Variants in WNT3 observed in about 807,000 individuals in gnomAD.
WNT3 encodes Wnt family member 3.
Under a neutral mutation model 34.2 loss-of-function variants are expected in WNT3, and 7 were observed. That is an observed-to-expected ratio of 0.20 (90% CI 0.12 to 0.38). The LOEUF is 0.38. WNT3 is among the 10% of genes least tolerant of loss of function. The probability of loss-of-function intolerance (pLI) is 1.00; values close to 1 mark genes in which losing one functional copy is unlikely to be tolerated. For synonymous variants in WNT3, 212 were observed against 211.5 expected (o/e 1.00, Z -0.02); for missense variants, 267 against 499.8 (o/e 0.53, Z 4.44).
chr17:46,782,760 G>A (rs965769125), intron 1 of WNT3, among the ~76,000 whole-genome samples: 4 of 152,212 alleles, frequency 2.6e-5, no homozygotes, highest in African/African-American at 7.2e-5. Flanking sequence ...GACTGGAGCC[G>A]CTCACCTGGC....
chr17:46,779,103 A>ACACACACACACACACCCCCCC (rs749719578), intron 1 of WNT3, among the ~76,000 whole-genome samples: 1 of 133,586 alleles, frequency 7.5e-6, no homozygotes, highest in Admixed American at 7.8e-5. Context: ...ACACACACAC[A>ACACACACACACACACCCCCCC]CCCCAGCCCA....
intron 4 of WNT3, among the ~76,000 whole-genome samples, chr17:46,767,452 C>G (rs994400838): frequency 1.3e-5 from 2 of 152,192 alleles, no homozygotes; most frequent in Non-Finnish European, 2.9e-5. Flanking sequence ...CCTCTAAGTT[C>G]AAGGTGGATG....
At chr17:46,807,899 T>C (rs1478720088) in intron 1 of WNT3, among the ~76,000 whole-genome samples, 1 of 152,190 alleles carries the variant, frequency 6.6e-6, no homozygotes, top group East Asian at 1.9e-4. Context: ...GGAGAAAGCA[T>C]GCTGGCTCCT....
chr17:46,801,700 G>A (rs931890813), intron 1 of WNT3, among the ~76,000 whole-genome samples: 2 of 152,138 alleles, frequency 1.3e-5, no homozygotes, highest in Admixed American at 6.5e-5. Context: ...AAGAAGATCC[G>A]TTGAGGCTGA....
At chr17:46,803,965 C>T (rs2084159923) in intron 1 of WNT3, among the ~76,000 whole-genome samples, 1 of 152,184 alleles carries the variant, frequency 6.6e-6, no homozygotes, top group Non-Finnish European at 1.5e-5. Flanking sequence ...TCAGGTAAAG[C>T]GTGTTTTCCC....
At chr17:46,772,249 A>G (rs1318493295) in intron 2 of WNT3, among the ~76,000 whole-genome samples, 1 of 151,868 alleles carries the variant, frequency 6.6e-6, no homozygotes, top group Non-Finnish European at 1.5e-5. Context: ...TCGGGCACAC[A>G]TCGCCCCTCC....
At chr17:46,773,292 G>T (rs2059389097) in intron 2 of WNT3, among the ~76,000 whole-genome samples, 1 of 152,142 alleles carries the variant, frequency 6.6e-6, no homozygotes, top group East Asian at 1.9e-4. Context: ...GGACTTTCTA[G>T]ATGGGAGGGA....
chr17:46,796,745 G>T (rs907888580), intron 1 of WNT3, among the ~76,000 whole-genome samples: 2 of 152,222 alleles, frequency 1.3e-5, no homozygotes, highest in Non-Finnish European at 2.9e-5. Context: ...ATCAGTCCCT[G>T]GTTCCTGGCT....
intron 1 of WNT3, among the ~76,000 whole-genome samples, chr17:46,783,807 G>A (rs1041552677): frequency 2.4e-4 from 36 of 152,336 alleles, no homozygotes; most frequent in African/African-American, 8.4e-4. Context: ...CCAAGCCAGG[G>A]TCTAGGAGCC....
chr17:46,784,980 T>C (rs1034166722), intron 1 of WNT3, among the ~76,000 whole-genome samples: 2 of 152,082 alleles, frequency 1.3e-5, no homozygotes, highest in African/African-American at 2.4e-5. Context: ...GGTTTCACTG[T>C]GTTAGCCAGG....
chr17:46,818,651 C>T lies in WNT3; in HGVS notation c.-54G>A. ...CCGCGACCATGAAGAGGGGGAGCGA[C>T]GCCCCCAATAGTTGGAACAAAGTCC... On this transcript the variant is annotated 5_prime_UTR_variant, in exon 1 of 5. Coordinates refer to ENST00000225512, the MANE Select transcript of WNT3 (RefSeq NM_030753.5). 6.7e-7 allele frequency: 1 copy of T among 1,481,578 alleles called. No homozygotes were observed. The allele number at this position is 1,481,578 out of a possible 1,614,324, so 91.8% of individuals were successfully genotyped here.
intron 1 of WNT3, among the ~76,000 whole-genome samples, chr17:46,777,813 C>A (rs2059424369): frequency 6.6e-6 from 1 of 152,226 alleles, no homozygotes; most frequent in African/African-American, 2.4e-5. Context: ...CTGAGTTTGT[C>A]TGACTCCCAG....
At position 46,792,890 on chromosome 17, in the gene WNT3, G is replaced by T. The variant is rs79545326; in HGVS notation, c.81-18981C>A. Reference sequence around the variant, plus strand: ...AATTTGCCAAAGAACCCAATTTAACGGATGATGACATGGGCTCAGAGAGGC... The same window carrying T: ...AATTTGCCAAAGAACCCAATTTAACTGATGATGACATGGGCTCAGAGAGGC... On this transcript the variant is annotated intron_variant, in intron 1 of 4. Transcript: ENST00000225512. Among the ~76,000 whole-genome samples, 7 of 152,116 alleles carry T rather than the reference G, an allele frequency of 4.6e-5. No individual in the cohort carries two copies. In the East Asian group the frequency reaches 9.7e-4, roughly 21 times the overall value.
intron 1 of WNT3, among the ~76,000 whole-genome samples, chr17:46,776,461 G>A (rs1236835880): frequency 6.6e-6 from 1 of 152,204 alleles, no homozygotes; most frequent in East Asian, 1.9e-4. Flanking sequence ...CGGCAGGTCT[G>A]TAATAAAAAC....
At chr17:46,804,728 A>G (rs982559956) in intron 1 of WNT3, among the ~76,000 whole-genome samples, 1 of 152,200 alleles carries the variant, frequency 6.6e-6, no homozygotes, top group African/African-American at 2.4e-5. Flanking sequence ...TCAACTGGGG[A>G]CTTGGAGAAC....
intron 2 of WNT3, 45 bp downstream of exon 2, chr17:46,773,623 T>TTCC: frequency 2.6e-6 from 1 of 383,480 alleles, no homozygotes; most frequent in East Asian, 8.0e-5. Context: ...TCCTGATCCC[T>TTCC]CCCCCCACCC....
At chr17:46,806,292 A>G (rs1363264435) in intron 1 of WNT3, among the ~76,000 whole-genome samples, 1 of 139,070 alleles carries the variant, frequency 7.2e-6, no homozygotes, top group African/African-American at 2.7e-5. Flanking sequence ...GCTCACCGCA[A>G]CTTCAGCCCT....
intron 1 of WNT3, among the ~76,000 whole-genome samples, chr17:46,805,162 C>T (rs2084178433): frequency 6.6e-6 from 1 of 152,030 alleles, no homozygotes; most frequent in Admixed American, 6.6e-5. Context: ...CCCTGGTCCT[C>T]AAGTGCAAAC....
chr17:46,815,237 G>A lies in WNT3; in HGVS notation c.80+3281C>T, dbSNP rs185383698. On this transcript the variant is annotated intron_variant, in intron 1 of 4. Transcript: ENST00000225512. ...ACCAGGAGCTAACTGGGACTGACAA[G>A]GGGAATTCGAGAAATCAGTGCTGTT... is the stretch of plus-strand genomic sequence containing the variant. Among the ~76,000 whole-genome samples, 5 of 152,152 alleles carry A rather than the reference G, an allele frequency of 3.3e-5. No homozygotes were observed. The East Asian group carries it at 7.8e-4, about 24-fold the overall frequency.
Sources: gnomAD v4.1 joint callset for allele counts (sites outside exome capture counted in the v4.1 genomes callset) on GRCh38, gnomAD v4.1.1 for gene constraint, MANE v1.5 for transcripts, NCBI Gene and HGNC (gene_info 2026-07-23, HGNC 2026-07-21) for gene names.